The following PALD1 variants were observed in gnomAD, a reference collection of about 807,000 sequenced individuals.
The protein encoded by PALD1 is phosphatase domain containing paladin 1.
Under a neutral mutation model 96.0 loss-of-function variants are expected in PALD1, and 57 were observed. The observed-to-expected ratio is 0.59, with a 90% CI of 0.48 to 0.74. The LOEUF (loss-of-function observed/expected upper bound fraction) is 0.74, where lower values mean the gene tolerates loss of function less well. Ranked by LOEUF, PALD1 falls within the 30% of genes least tolerant of loss-of-function variation. PALD1 has a pLI of 0.00. For missense variants in PALD1, 1,063 were observed against 1,143.7 expected (o/e 0.93, Z 1.02); for synonymous variants, 464 against 473.6 (o/e 0.98, Z 0.26).
intron 10 of PALD1, among the ~76,000 whole-genome samples, chr10:70,536,789 C>T (rs1050852963): frequency 2.0e-5 from 3 of 152,208 alleles, no homozygotes; most frequent in Non-Finnish European, 4.4e-5. Context: ...CACCAAAGGG[C>T]GTGGCCCTTC....
intron 1 of PALD1, among the ~76,000 whole-genome samples, chr10:70,488,975 C>T (rs1024721306): frequency 2.6e-5 from 4 of 151,252 alleles, no homozygotes; most frequent in Non-Finnish European, 4.4e-5. Flanking sequence ...GTCCTTCTGC[C>T]GCTTCACCAA....
At chr10:70,502,859 G>GTTCTC (rs886170573) in intron 1 of PALD1, among the ~76,000 whole-genome samples, 13 of 152,072 alleles carry the variant, frequency 8.5e-5, no homozygotes, top group Non-Finnish European at 1.5e-4. Flanking sequence ...TTGTTTCTGG[G>GTTCTC]TTCTCTTCTC....
chr10:70,526,118 T>G lies in PALD1; in HGVS notation c.167T>G (p.Val56Gly). ...GCCAAGTCCATCATCCCCAACAAGGTGGCCCCTGTTGTGATCACGTGAGTG... is the reference window on the plus strand; with the variant it reads ...GCCAAGTCCATCATCCCCAACAAGGGGGCCCCTGTTGTGATCACGTGAGTG... ...SKAKSIIPNKVAPVVITYNCK... is the reference protein window; with the variant it reads ...SKAKSIIPNKGAPVVITYNCK... The change falls in exon 2 of 20, where the codon GTG becomes GGG. Residue 56 changes from valine (V) to glycine (G), a missense_variant. Coordinates refer to ENST00000263563, the MANE Select transcript of PALD1 (RefSeq NM_014431.3). 1 of 1,614,076 alleles carries G rather than the reference T, an allele frequency of 6.2e-7. No individual in the cohort carries two copies.
Position 70,545,149 on chromosome 10 carries a change from G to A in PALD1, c.2122-2157G>A, listed in dbSNP as rs914755447. Among the ~76,000 whole-genome samples, 14 of 149,646 alleles carry A rather than the reference G, an allele frequency of 9.4e-5. No homozygotes were observed. In the East Asian group the frequency reaches 2.8e-3, roughly 30 times the overall value. On this transcript the variant is annotated intron_variant, in intron 17 of 19. Coordinates refer to ENST00000263563, the MANE Select transcript of PALD1 (RefSeq NM_014431.3). ...ATGAGCAGGTGGCTGTCGACCACGG[G>A]ACAGGGCGCTGTGGGGACCTTGCAG...
At chr10:70,532,853 C>T (rs1847024254) in intron 6 of PALD1, 72 bp downstream of exon 6, 7 of 1,566,896 alleles carry the variant, frequency 4.5e-6, no homozygotes, top group Middle Eastern at 1.9e-4. Flanking sequence ...GCCTCAGTTT[C>T]ACCATCTGCA....
intron 5 of PALD1, among the ~76,000 whole-genome samples, chr10:70,532,101 C>T (rs1438193025): frequency 2.6e-5 from 4 of 152,178 alleles, no homozygotes; most frequent in Admixed American, 6.5e-5. Context: ...AGTCAGTTCC[C>T]TCAGTGGGTC....
Position 70,478,790 on chromosome 10 carries a change from G to C in PALD1, c.-299G>C, listed in dbSNP as rs1386634817. ...TCGGCGTTGGGTAGCGGGGCGCTGG[G>C]GAGCAGCGCGGCGCGCACGGGCCGG... On this transcript the variant is annotated 5_prime_UTR_variant, in exon 1 of 20. Transcript: ENST00000263563. 2.0e-5 allele frequency: 3 copies of C among 151,506 alleles called. No homozygotes were observed. Among genetic ancestry groups the C allele is most frequent in the Non-Finnish European group, 4.4e-5 (3 of 67,846 alleles). The allele number at this position is 151,506 out of a possible 1,614,324, so 9.4% of individuals were successfully genotyped here. A position where few individuals can be genotyped will look rare whatever the true frequency, so the allele number is the denominator to read the frequency against.
At position 70,533,925 on chromosome 10, in the gene PALD1, A is replaced by G. The variant is rs749915585; in HGVS notation, c.874A>G (p.Thr292Ala). 2 of 1,583,916 alleles carry G rather than the reference A, an allele frequency of 1.3e-6. No individual in the cohort carries two copies. Among genetic ancestry groups the G allele is most frequent in the Non-Finnish European group, 1.7e-6 (2 of 1,163,912 alleles). ...TGATCCTCATGGTCTTTCCCAGGAG[A>G]CCCCCAGCCTGCTGCAGCTCCGTGA... ...LDAFVSVLRE[T>A]PSLLQLRDAH... is the part of the protein sequence containing the mutation. Residue 292 changes from threonine (T) to alanine (A), a missense_variant, in exon 8 of 20, where the codon ACC becomes GCC. Thr to Ala is a moderately conservative substitution (Grantham distance 58). Coordinates refer to ENST00000263563, the MANE Select transcript of PALD1 (RefSeq NM_014431.3).
the PALD1 span, among the ~76,000 whole-genome samples, chr10:70,468,490 C>A: frequency 6.6e-6 from 1 of 152,072 alleles, no homozygotes; most frequent in Admixed American, 6.6e-5. Context: ...GTGATCCACC[C>A]GGCTCGGCCT....
intron 18 of PALD1, among the ~76,000 whole-genome samples, chr10:70,561,001 A>C (rs1847727822): frequency 6.6e-6 from 1 of 152,196 alleles, no homozygotes; most frequent in South Asian, 2.1e-4. Flanking sequence ...CTCAAATCAC[A>C]GACCTGTGAT....
Position 70,527,301 on chromosome 10 carries a change from T to C in PALD1, c.185+1165T>C, listed in dbSNP as rs1167395512. Among the ~76,000 whole-genome samples, 3 of 152,278 alleles carry C rather than the reference T, an allele frequency of 2.0e-5. No homozygotes were observed. In the East Asian group the frequency reaches 5.8e-4, roughly 29 times the overall value. On this transcript the variant is annotated intron_variant, in intron 2 of 19. Coordinates refer to ENST00000263563, the MANE Select transcript of PALD1 (RefSeq NM_014431.3). ...AACAGTTGCTGACCAGCCGTAAAAATCCTGTACACAGGGCTGTGCTTAGGG... is the reference window on the plus strand; with the variant it reads ...AACAGTTGCTGACCAGCCGTAAAAACCCTGTACACAGGGCTGTGCTTAGGG...
At chr10:70,507,046 C>T (rs1246108918) in intron 1 of PALD1, among the ~76,000 whole-genome samples, 1 of 152,120 alleles carries the variant, frequency 6.6e-6, no homozygotes, top group Non-Finnish European at 1.5e-5. Context: ...ACACAGACAC[C>T]TGCAAAGTTG....
Position 70,537,800 on chromosome 10 carries a change from C to T in PALD1, c.1228-11C>T, listed in dbSNP as rs748967271. The T allele has an allele frequency of 6.3e-7, 1 of 1,593,564 alleles. No individual in the cohort carries two copies. The highest frequency in any genetic ancestry group is 8.6e-7 in the Non-Finnish European group (1 of 1,161,904). On this transcript the variant is annotated splice_polypyrimidine_tract_variant and intron_variant, in intron 10 of 19. Transcript: ENST00000263563. ...AGGAGTCTGTCCTTAACACCCTGTCCTCTCTCTCAGGGAAGCGGCAGCCGA... is the reference window on the plus strand; with the variant it reads ...AGGAGTCTGTCCTTAACACCCTGTCTTCTCTCTCAGGGAAGCGGCAGCCGA...
At chr10:70,484,228 C>T (rs1845979651) in intron 1 of PALD1, among the ~76,000 whole-genome samples, 1 of 152,156 alleles carries the variant, frequency 6.6e-6, no homozygotes, top group Non-Finnish European at 1.5e-5. Flanking sequence ...GTCTCAAACT[C>T]CTGATCTCAG....
At chr10:70,503,070 G>A (rs1214932102) in intron 1 of PALD1, among the ~76,000 whole-genome samples, 3 of 151,754 alleles carry the variant, frequency 2.0e-5, no homozygotes, top group Admixed American at 1.3e-4. Flanking sequence ...AGTAGAGATG[G>A]GGTTTCTCCA....
At chr10:70,469,187 G>T in the PALD1 span, among the ~76,000 whole-genome samples, 1 of 152,184 alleles carries the variant, frequency 6.6e-6, no homozygotes. Context: ...ATCAGCCAGA[G>T]GATTACCTCG....
At chr10:70,529,849 G>C in intron 3 of PALD1, 40 bp from the exon 4 acceptor site, 1 of 1,592,178 alleles carries the variant, frequency 6.3e-7, no homozygotes, top group Non-Finnish European at 8.6e-7. Flanking sequence ...AAATACCCCT[G>C]AGCCATCTGA....
chr10:70,482,738 A>G (rs1006012052), intron 1 of PALD1, among the ~76,000 whole-genome samples: 3 of 152,102 alleles, frequency 2.0e-5, no homozygotes, highest in African/African-American at 7.2e-5. Flanking sequence ...AGGGCAAGAA[A>G]CTTAACCTCT....
At position 70,530,034 on chromosome 10, in the gene PALD1, G is replaced by A. The variant is rs777026032; in HGVS notation, c.434G>A (p.Arg145Gln). ...MGQPSLSGFRRVLQKLQKDGH... is the reference protein window; with the variant it reads ...MGQPSLSGFRQVLQKLQKDGH... ...CAGCCCAGCCTCTCAGGGTTCAGGC[G>A]GGTCCTCCAGAAACTCCAGAAGGAC... Residue 145 changes from arginine (R) to glutamine (Q), a missense_variant, in exon 4 of 20, where the codon CGG (arginine) becomes CAG (glutamine). Physicochemically the swap from Arg to Gln is conservative, Grantham distance 43. Coordinates refer to ENST00000263563, the MANE Select transcript of PALD1 (RefSeq NM_014431.3). 10 of 1,550,446 alleles carry A rather than the reference G, an allele frequency of 6.4e-6. No homozygotes were observed. The highest frequency in any genetic ancestry group is 2.4e-5 in the South Asian group (2 of 82,974).
Sources: allele counts gnomAD v4.1 joint callset (sites outside exome capture counted in the v4.1 genomes callset), GRCh38; gene constraint gnomAD v4.1.1; transcripts MANE v1.5; gene names NCBI Gene and HGNC (gene_info 2026-07-23, HGNC 2026-07-21).